The following SLC24A2 variants were observed in gnomAD, a reference collection of about 807,000 sequenced individuals.
The protein encoded by SLC24A2 is sodium/potassium/calcium exchanger 2.
A neutral mutation model predicts 62.0 loss-of-function variants in SLC24A2; 36 were observed. The ratio of observed to expected loss-of-function variants is 0.58; its 90% CI spans 0.44 to 0.77. SLC24A2 has a LOEUF of 0.77. Ranked by LOEUF, SLC24A2 falls within the 30% of genes least tolerant of loss-of-function variation. The pLI is 0.00. For synonymous variants in SLC24A2, 358 were observed against 294.0 expected (o/e 1.22, Z -2.23); for missense variants, 846 against 817.9 (o/e 1.03, Z -0.42).
chr9:20,076,168 G>C, the SLC24A2 span, among the ~76,000 whole-genome samples: 1 of 151,956 alleles, frequency 6.6e-6, no homozygotes, highest in Non-Finnish European at 1.5e-5. Flanking sequence ...CAGAGGGCCG[G>C]CTACATGACA....
chr9:19,665,333 G>T lies in SLC24A2; in HGVS notation c.931-43034C>A, dbSNP rs1156789882. Among the ~76,000 whole-genome samples, 3 of 152,276 alleles carry T rather than the reference G, an allele frequency of 2.0e-5. No individual in the cohort carries two copies. The East Asian group carries it at 5.8e-4, about 29-fold the overall frequency. On this transcript the variant is annotated intron_variant, in intron 2 of 10. Transcript: ENST00000341998. ...GACTTTGAGAGGTGCTGAGAAGGCA[G>T]AACTGAAGACTGCTAGCACTTCAGA...
chr9:20,261,733 CTTTTTTTT>C, the SLC24A2 span, among the ~76,000 whole-genome samples: 3 of 75,292 alleles, frequency 4.0e-5, no homozygotes, highest in South Asian at 1.2e-3. Flanking sequence ...AACACCAAAT[CTTTTTTTT>C]TTTTTTTTTT....
chr9:19,536,442 A>C (rs1833981624), intron 8 of SLC24A2, among the ~76,000 whole-genome samples: 6 of 109,272 alleles, frequency 5.5e-5, no homozygotes, highest in South Asian at 8.5e-4. Context: ...ATGAGTGAGA[A>C]TATGCGGCGT....
chr9:20,206,430 G>A, the SLC24A2 span, among the ~76,000 whole-genome samples: 1 of 151,662 alleles, frequency 6.6e-6, no homozygotes, highest in East Asian at 1.9e-4. Flanking sequence ...GAAAAATAAC[G>A]GTAAGATGCA....
chr9:20,061,206 G>C, the SLC24A2 span, among the ~76,000 whole-genome samples: 2 of 151,664 alleles, frequency 1.3e-5, no homozygotes, highest in Non-Finnish European at 2.9e-5. Context: ...TATCAAGACA[G>C]TGTGGTATTC....
the SLC24A2 span, among the ~76,000 whole-genome samples, chr9:20,065,863 GT>G: frequency 6.6e-6 from 1 of 152,062 alleles, no homozygotes; most frequent in Admixed American, 6.6e-5. Flanking sequence ...CTGATTTCTT[GT>G]TTCTGGATGA....
At chr9:19,800,769 A>G in the SLC24A2 span, among the ~76,000 whole-genome samples, 7 of 152,196 alleles carry the variant, frequency 4.6e-5, no homozygotes, top group East Asian at 1.2e-3. Flanking sequence ...TAATGATGTA[A>G]TGGACATAAT....
the SLC24A2 span, among the ~76,000 whole-genome samples, chr9:19,834,459 G>C: frequency 3.3e-5 from 5 of 152,172 alleles, no homozygotes; most frequent in Non-Finnish European, 7.3e-5. Context: ...GCGATCAACT[G>C]GAAGACAGGG....
At chr9:19,823,736 A>T in the SLC24A2 span, among the ~76,000 whole-genome samples, 1 of 152,196 alleles carries the variant, frequency 6.6e-6, no homozygotes. Context: ...CAAAAAGAAC[A>T]AAGCTAGAGG....
chr9:20,260,349 A>G, the SLC24A2 span, among the ~76,000 whole-genome samples: 1 of 152,260 alleles, frequency 6.6e-6, no homozygotes, highest in African/African-American at 2.4e-5. Flanking sequence ...AGTCTCAGGT[A>G]TTCTGATACA....
the SLC24A2 span, among the ~76,000 whole-genome samples, chr9:19,907,058 A>G: frequency 6.2e-4 from 94 of 152,362 alleles, no homozygotes; most frequent in African/African-American, 2.2e-3. Flanking sequence ...CCTGATGAAC[A>G]TCGATGCAAA....
At chr9:20,267,876 C>CT in the SLC24A2 span, among the ~76,000 whole-genome samples, 1 of 152,092 alleles carries the variant, frequency 6.6e-6, no homozygotes, top group African/African-American at 2.4e-5. Flanking sequence ...TGACTTTGAG[C>CT]TTTCTCATTG....
the SLC24A2 span, among the ~76,000 whole-genome samples, chr9:20,004,264 T>C: frequency 1.3e-5 from 2 of 152,224 alleles, no homozygotes; most frequent in Non-Finnish European, 2.9e-5. Flanking sequence ...GGAGGTTTCC[T>C]TCCATTGGCC....
chr9:20,147,331 A>G, the SLC24A2 span, among the ~76,000 whole-genome samples: 2 of 152,166 alleles, frequency 1.3e-5, no homozygotes, highest in Non-Finnish European at 2.9e-5. Flanking sequence ...ACATGTAAAA[A>G]AGGTAAAAAT....
At chr9:20,088,185 T>A in the SLC24A2 span, among the ~76,000 whole-genome samples, 1 of 152,254 alleles carries the variant, frequency 6.6e-6, no homozygotes, top group African/African-American at 2.4e-5. Context: ...ATCCAGGGGC[T>A]GAGCAGCCAC....
chr9:20,084,777 A>G, the SLC24A2 span, among the ~76,000 whole-genome samples: 1 of 152,162 alleles, frequency 6.6e-6, no homozygotes, highest in African/African-American at 2.4e-5. Flanking sequence ...GATCACAACC[A>G]AGGGGCTTTA....
the SLC24A2 span, among the ~76,000 whole-genome samples, chr9:19,995,854 A>T: frequency 6.6e-6 from 1 of 152,346 alleles, no homozygotes; most frequent in South Asian, 2.1e-4. Flanking sequence ...GTGCTTAGTC[A>T]AGGCAGCCTG....
At chr9:19,742,201 T>C (rs901062120) in intron 2 of SLC24A2, among the ~76,000 whole-genome samples, 5 of 152,184 alleles carry the variant, frequency 3.3e-5, no homozygotes, top group African/African-American at 1.2e-4. Flanking sequence ...GAAAAGCAGA[T>C]GAGAGGAAAG....
At chr9:20,190,850 TG>T in the SLC24A2 span, among the ~76,000 whole-genome samples, 1 of 152,178 alleles carries the variant, frequency 6.6e-6, no homozygotes, top group African/African-American at 2.4e-5. Context: ...ATGACAAAAA[TG>T]GTACCTATTC....
Sources: gnomAD v4.1 joint callset for allele counts (sites outside exome capture counted in the v4.1 genomes callset) on GRCh38, gnomAD v4.1.1 for gene constraint, MANE v1.5 for transcripts, NCBI Gene and HGNC (gene_info 2026-07-23, HGNC 2026-07-21) for gene names.